Variants in ADRA1B observed in about 807,000 individuals in gnomAD.
The protein encoded by ADRA1B is adrenoceptor alpha 1B.
Under a neutral mutation model 17.9 loss-of-function variants are expected in ADRA1B, and 17 were observed. The ratio of observed to expected loss-of-function variants is 0.95; its 90% confidence interval spans 0.65 to 1.42. The LOEUF (loss-of-function observed/expected upper bound fraction) is 1.42. ADRA1B is among the 40% of genes most tolerant of loss of function. The probability of loss-of-function intolerance (pLI) is 0.00; values close to 1 mark genes in which losing one functional copy is unlikely to be tolerated. For missense variants in ADRA1B, 681 were observed against 722.1 expected, an observed-to-expected ratio of 0.94 and a Z score of 0.65; for synonymous variants, 366 against 327.6, an observed-to-expected ratio of 1.12 and a Z score of -1.27.
chr5:159,927,381 G>GCACACACACACACACACACA lies in ADRA1B; in HGVS notation c.949+9541_949+9560dup, dbSNP rs59807316. 5.4e-3 allele frequency among the ~76,000 whole-genome samples: 759 copies of GCACACACACACACACACACA among 140,704 alleles called. 24 individuals are homozygous for GCACACACACACACACACACA. Among genetic ancestry groups the GCACACACACACACACACACA allele is most frequent in the East Asian group, 0.046 (208 of 4,560 alleles). 92.3% of individuals were successfully genotyped at this position (140,704 alleles called of 152,430 possible). On this transcript the variant is annotated intron_variant, in intron 1 of 1. Transcript: ENST00000306675. ...ATAATAAAATTATAAATTAAAACAT[G>GCACACACACACACACACACA]CACACACACACACACACACACACAC...
rs1753953378 is a variant in ADRA1B, at chr5:159,888,795, AG to A, written c.-256+23590del. Among the ~76,000 whole-genome samples the A allele has an allele frequency of 5.3e-5, 8 of 152,234 alleles. 1 individual carries two copies. The highest frequency in any genetic ancestry group is 5.2e-4 in the Admixed American group (8 of 15,278). On this transcript the variant is annotated intron_variant, in intron 1 of 2. Coordinates refer to the ADRA1B transcript ENST00000641205. ...AAGGAGAGGCCACCAAGCCAGTACT[AG>A]TGGAAACCTACTTGTTTACCTGAAC...
chr5:159,880,781 C>A (rs936030669), intron 1 of ADRA1B, among the ~76,000 whole-genome samples: 3 of 152,172 alleles, frequency 2.0e-5, no homozygotes, highest in Non-Finnish European at 4.4e-5. Context: ...TCAAATAAGT[C>A]GTCTTCCATT....
At chr5:159,980,029 A>G in the ADRA1B span, among the ~76,000 whole-genome samples, 1 of 152,002 alleles carries the variant, frequency 6.6e-6, no homozygotes, top group Non-Finnish European at 1.5e-5. Context: ...TCGTGTGTGG[A>G]GAGCCTAAGA....
chr5:159,985,813 G>T, the ADRA1B span, among the ~76,000 whole-genome samples: 1 of 152,224 alleles, frequency 6.6e-6, no homozygotes, highest in Non-Finnish European at 1.5e-5. Context: ...ATCCTGCATT[G>T]CGAAGAGGAG....
intron 1 of ADRA1B, 147 bp downstream of exon 1, chr5:159,918,001 G>A (rs1754377396): frequency 1.3e-6 from 1 of 796,198 alleles, no homozygotes; most frequent in Non-Finnish European, 2.0e-6. Flanking sequence ...TTCTGCAAAG[G>A]GTTTGCAGAT....
intron 1 of ADRA1B, among the ~76,000 whole-genome samples, chr5:159,952,818 A>G (rs1755471015): frequency 6.6e-6 from 1 of 152,202 alleles, no homozygotes; most frequent in Non-Finnish European, 1.5e-5. Flanking sequence ...TGTCATAAAG[A>G]CAGAGTCCAT....
chr5:159,898,099 C>A (rs1754057813), intron 1 of ADRA1B, among the ~76,000 whole-genome samples: 1 of 152,230 alleles, frequency 6.6e-6, no homozygotes, highest in African/African-American at 2.4e-5. Flanking sequence ...CCCTGGCAAG[C>A]CTGATCTGTG....
At chr5:159,886,075 A>G (rs537167016) in intron 1 of ADRA1B, among the ~76,000 whole-genome samples, 61 of 152,340 alleles carry the variant, frequency 4.0e-4, no homozygotes, top group African/African-American at 1.4e-3. Flanking sequence ...CAAAAAGCAC[A>G]ATAAGTTAGT....
intron 1 of ADRA1B, among the ~76,000 whole-genome samples, chr5:159,920,237 T>C (rs931598586): frequency 2.0e-5 from 3 of 152,154 alleles, no homozygotes; most frequent in African/African-American, 7.2e-5. Context: ...CCCAGCACCC[T>C]GGAAGCCAGG....
At chr5:159,974,244 T>C (rs74556379), downstream of ADRA1B, among the ~76,000 whole-genome samples, 1,189 of 152,324 alleles carry the variant, frequency 7.8e-3, 19 homozygotes, top group African/African-American at 0.027. Context: ...TACCCTAGTT[T>C]CCTTATTGCA....
intron 1 of ADRA1B, among the ~76,000 whole-genome samples, chr5:159,958,273 T>C (rs1361434093): frequency 6.6e-6 from 1 of 152,224 alleles, no homozygotes; most frequent in Non-Finnish European, 1.5e-5. Flanking sequence ...CTTTCTTAAA[T>C]AGCTATCCTG....
intron 1 of ADRA1B, among the ~76,000 whole-genome samples, chr5:159,923,214 A>G (rs975867483): frequency 1.3e-5 from 2 of 152,412 alleles, no homozygotes; most frequent in African/African-American, 2.4e-5. Flanking sequence ...TTTAGGCCAC[A>G]TTAAGGACTT....
chr5:159,917,495 T>A lies in ADRA1B; in HGVS notation c.590T>A (p.Val197Asp). The stretch of plus-strand genomic sequence containing the variant: ...CCCAACGATGACAAGGAGTGCGGGG[T>A]CACCGAAGAACCCTTCTATGCCCTC... ...PAPNDDKECG[V>D]TEEPFYALFS... The change falls in exon 1 of 2, where the codon GTC becomes GAC. Residue 197 changes from valine (V) to aspartate (D), a missense_variant. Transcript: ENST00000306675. 6.2e-7 allele frequency: 1 copy of A among 1,613,700 alleles called. No individual in the cohort carries two copies. The highest frequency in any genetic ancestry group is 8.5e-7 in the Non-Finnish European group (1 of 1,179,894).
At chr5:159,888,455 A>G (rs1753949211) in intron 1 of ADRA1B, 1 of 152,154 alleles carries the variant, frequency 6.6e-6, no homozygotes, top group South Asian at 2.1e-4. Context: ...GGAATTGACA[A>G]CTATGTTATA....
chr5:159,947,880 C>T lies in ADRA1B; in HGVS notation c.950-23999C>T, dbSNP rs974123523. 2.5e-5 allele frequency: 25 copies of T among 985,308 alleles called. No individual in the cohort carries two copies. In the African/African-American group the frequency reaches 4.2e-4, roughly 17 times the overall value. The allele number at this position is 985,308 out of a possible 1,614,324, so 61.0% of individuals were successfully genotyped here. On this transcript the variant is annotated intron_variant, in intron 1 of 1. Coordinates refer to ENST00000306675, the MANE Select transcript of ADRA1B (RefSeq NM_000679.4). ...AATTAGCACAAAAATTTAGCTTAAC[C>T]ACGTTAACATCTCTGGGAGAGGGAT...
At chr5:159,981,096 C>T in the ADRA1B span, among the ~76,000 whole-genome samples, 2 of 152,034 alleles carry the variant, frequency 1.3e-5, no homozygotes, top group African/African-American at 4.8e-5. Flanking sequence ...CAACTGCAAC[C>T]CACAGGATGA....
chr5:159,971,784 G>C (rs1445925383), intron 1 of ADRA1B, 95 bp from the exon 2 acceptor site: 6 of 1,256,776 alleles, frequency 4.8e-6, no homozygotes, highest in Non-Finnish European at 6.2e-6. Context: ...AACGCTGCAG[G>C]TTGACAATGT....
chr5:159,898,906 G>T (rs914153934), intron 1 of ADRA1B, among the ~76,000 whole-genome samples: 1 of 152,170 alleles, frequency 6.6e-6, no homozygotes, highest in African/African-American at 2.4e-5. Context: ...ACATTTGAGA[G>T]GCAGAGGCAG....
chr5:159,954,375 C>G (rs924412599), intron 1 of ADRA1B, among the ~76,000 whole-genome samples: 1 of 152,128 alleles, frequency 6.6e-6, no homozygotes, highest in African/African-American at 2.4e-5. Flanking sequence ...GGAGGAAGCT[C>G]TCTGGGATCT....
Sources: gnomAD v4.1 joint callset for allele counts (sites outside exome capture counted in the v4.1 genomes callset) on GRCh38, gnomAD v4.1.1 for gene constraint, MANE v1.5 for transcripts, NCBI Gene and HGNC (gene_info 2026-07-23, HGNC 2026-07-21) for gene names.